The following CLN8 variants were observed in gnomAD, a reference collection of about 807,000 sequenced individuals.
CLN8 encodes the protein CLN8 transmembrane ER and ERGIC protein.
CLN8 carries 14 observed loss-of-function variants against 15.7 expected under a neutral mutation model. That is an observed-to-expected ratio of 0.89 (90% confidence interval 0.59 to 1.39). CLN8 has a LOEUF of 1.39. CLN8 is among the 40% of genes most tolerant of loss of function. The probability of loss-of-function intolerance (pLI) is 0.00; values close to 1 mark genes in which losing one functional copy is unlikely to be tolerated. For missense variants in CLN8, 415 were observed against 364.0 expected, an observed-to-expected ratio of 1.14 and a Z score of -1.14; for synonymous variants, 188 against 151.0, an observed-to-expected ratio of 1.25 and a Z score of -1.80.
intron 2 of CLN8, among the ~76,000 whole-genome samples, chr8:1,777,240 G>A (rs1801556352): frequency 6.6e-6 from 1 of 152,062 alleles, no homozygotes; most frequent in Non-Finnish European, 1.5e-5. Flanking sequence ...AACATAGAAA[G>A]GTATAGTAAA....
chr8:1,780,875 T>C lies in CLN8; in HGVS notation c.*308T>C. The C allele has an allele frequency of 2.2e-6, 1 of 461,262 alleles. No individual in the cohort carries two copies. The allele number at this position is 461,262 out of a possible 1,614,324, so 28.6% of individuals were successfully genotyped here. A position where few individuals can be genotyped will look rare whatever the true frequency, so the allele number is the denominator to read the frequency against. ...CACACCTGTTGAGGAGTGGGGTGGC[T>C]TTGAATGCTGGAAATGGCTTCATAG... On this transcript the variant is annotated 3_prime_UTR_variant, in exon 3 of 3. Coordinates refer to ENST00000331222, the MANE Select transcript of CLN8 (RefSeq NM_018941.4).
chr8:1,770,690 T>C (rs1801262599), intron 1 of CLN8, among the ~76,000 whole-genome samples: 1 of 152,114 alleles, frequency 6.6e-6, no homozygotes, highest in African/African-American at 2.4e-5. Flanking sequence ...CATAGGACCG[T>C]GTGTTCCTGC....
upstream of CLN8, chr8:1,763,362 C>T (rs1217479222): frequency 5.9e-4 from 71 of 120,038 alleles, 7 homozygotes; most frequent in African/African-American, 2.1e-3. Context: ...TGGTTCAGCG[C>T]GTCCACCCCG....
intron 1 of CLN8, among the ~76,000 whole-genome samples, chr8:1,768,477 A>G (rs1016007662): frequency 2.6e-5 from 4 of 152,198 alleles, no homozygotes; most frequent in Admixed American, 6.5e-5. Flanking sequence ...CAGAGGTCCT[A>G]CAGAAGTTAG....
chr8:1,768,903 GAT>G (rs1801188979), intron 1 of CLN8, among the ~76,000 whole-genome samples: 1 of 152,218 alleles, frequency 6.6e-6, no homozygotes, highest in Non-Finnish European at 1.5e-5. Context: ...CTGGAGTCTT[GAT>G]ATATAGCATG....
Position 1,783,490 on chromosome 8 carries a change from C to T in CLN8, c.*2923C>T, listed in dbSNP as rs1435586591. The stretch of plus-strand genomic sequence containing the variant: ...GTGATCACTTGTCAGTGCGCTTTCT[C>T]TTTCGATAGTGAAATCCTTCTCTAT... On this transcript the variant is annotated 3_prime_UTR_variant, in exon 3 of 3. Coordinates refer to ENST00000331222, the MANE Select transcript of CLN8 (RefSeq NM_018941.4). 2 of 152,262 alleles carry T rather than the reference C, an allele frequency of 1.3e-5. No individual in the cohort carries two copies. The highest frequency in any genetic ancestry group is 2.9e-5 in the Non-Finnish European group (2 of 68,054). 9.4% of individuals were successfully genotyped at this position (152,262 alleles called of 1,614,324 possible).
At chr8:1,774,802 C>T (rs1169220088) in intron 2 of CLN8, among the ~76,000 whole-genome samples, 1 of 152,172 alleles carries the variant, frequency 6.6e-6, no homozygotes, top group African/African-American at 2.4e-5. Context: ...AGACCAGCAA[C>T]ATGGCAAAAC....
chr8:1,777,763 G>T (rs1801574525), intron 2 of CLN8, among the ~76,000 whole-genome samples: 1 of 152,186 alleles, frequency 6.6e-6, no homozygotes, highest in African/African-American at 2.4e-5. Flanking sequence ...ACATGGGGCT[G>T]CTACCTCCTA....
intron 2 of CLN8, 128 bp downstream of exon 2, chr8:1,771,725 A>C: frequency 7.3e-6 from 6 of 823,086 alleles, no homozygotes; most frequent in Non-Finnish European, 1.2e-5. Flanking sequence ...TTACAAACTC[A>C]TTTTAGTTGA....
chr8:1,762,525 T>A (rs1399462558), upstream of CLN8: 1 of 152,214 alleles, frequency 6.6e-6, no homozygotes, highest in East Asian at 1.9e-4. Context: ...CATTTACCCA[T>A]GTTCTTAGAC....
chr8:1,773,093 C>T (rs1265627476), intron 2 of CLN8: 1 of 395,044 alleles, frequency 2.5e-6, no homozygotes, highest in Non-Finnish European at 4.5e-6. Context: ...ACTGTGCTGG[C>T]ACCTGGGAAC....
intron 1 of CLN8, among the ~76,000 whole-genome samples, chr8:1,767,073 G>A (rs2130976321): frequency 6.6e-6 from 1 of 152,298 alleles, no homozygotes; most frequent in East Asian, 1.9e-4. Context: ...TCCTGCCTCT[G>A]GGACTGGCCT....
chr8:1,770,031 G>A (rs1458546575), intron 1 of CLN8, among the ~76,000 whole-genome samples: 1 of 152,128 alleles, frequency 6.6e-6, no homozygotes, highest in Admixed American at 6.5e-5. Context: ...CATTACACTG[G>A]GATACACTTT....
At chr8:1,772,596 T>C (rs1000504724) in intron 2 of CLN8, among the ~76,000 whole-genome samples, 4 of 152,018 alleles carry the variant, frequency 2.6e-5, no homozygotes, top group African/African-American at 4.8e-5. Context: ...GTAGCTGGGA[T>C]TACAGCGCCC....
At chr8:1,776,415 G>C (rs1801518463) in intron 2 of CLN8, among the ~76,000 whole-genome samples, 1 of 152,154 alleles carries the variant, frequency 6.6e-6, no homozygotes, top group Non-Finnish European at 1.5e-5. Flanking sequence ...AAATCTGTGA[G>C]GGTTGGATAT....
upstream of CLN8, among the ~76,000 whole-genome samples, chr8:1,753,672 T>G (rs1429048837): frequency 6.7e-6 from 1 of 149,890 alleles, no homozygotes; most frequent in Non-Finnish European, 1.5e-5. Context: ...GATCATGAGG[T>G]CAGGAGATCG....
rs1192586631 is a variant in CLN8 at position 1,783,901 on chromosome 8, G to T, written c.*3334G>T. 1.3e-5 allele frequency: 2 copies of T among 152,278 alleles called. No homozygotes were observed. The highest frequency in any genetic ancestry group is 2.9e-5 in the Non-Finnish European group (2 of 68,078). The allele number at this position is 152,278 out of a possible 1,614,324, so 9.4% of individuals were successfully genotyped here. ...GCGCAGCCTCCGGCGCCAGAGCTGGGCTCTTCAACACGGCATTTAGCGCAG... is the reference window on the plus strand; with the variant it reads ...GCGCAGCCTCCGGCGCCAGAGCTGGTCTCTTCAACACGGCATTTAGCGCAG... On this transcript the variant is annotated 3_prime_UTR_variant, in exon 3 of 3. Coordinates refer to ENST00000331222, the MANE Select transcript of CLN8 (RefSeq NM_018941.4).
intron 2 of CLN8, 109 bp from the exon 3 acceptor site, chr8:1,780,141 A>C: frequency 6.3e-7 from 1 of 1,588,686 alleles, no homozygotes; most frequent in South Asian, 1.1e-5. Flanking sequence ...TTGCTTTGAA[A>C]TGAATTTGTT....
Position 1,767,632 on chromosome 8 carries a change from C to T in CLN8, c.-123-3300C>T, listed in dbSNP as rs113988638. ...TGTCACCCAGGCTGGAGTGCAGTGGCGCAATCTCAGCTCACTGCCACCTCC... is the reference window on the plus strand; with the variant it reads ...TGTCACCCAGGCTGGAGTGCAGTGGTGCAATCTCAGCTCACTGCCACCTCC... On this transcript the variant is annotated intron_variant, in intron 1 of 2. Coordinates refer to ENST00000331222, the MANE Select transcript of CLN8 (RefSeq NM_018941.4). Among the ~76,000 whole-genome samples the T allele has an allele frequency of 9.8e-3, 1,180 of 120,214 alleles. 25 individuals are homozygous for T. The highest frequency in any genetic ancestry group is 0.036 in the African/African-American group (1,116 of 30,712). 78.9% of individuals were successfully genotyped at this position (120,214 alleles called of 152,430 possible).
Sources: allele counts gnomAD v4.1 joint callset (sites outside exome capture counted in the v4.1 genomes callset), GRCh38; gene constraint gnomAD v4.1.1; transcripts MANE v1.5; gene names NCBI Gene and HGNC (gene_info 2026-07-23, HGNC 2026-07-21).